The following NALF1 variants were observed in gnomAD, a reference collection of about 807,000 sequenced individuals.
The protein encoded by NALF1 is family with sequence similarity 155 member A.
NALF1 carries 3 observed loss-of-function variants against 48.4 expected under a neutral mutation model. The ratio of observed to expected loss-of-function variants is 0.06; its 90% CI spans 0.03 to 0.16. NALF1 has a LOEUF of 0.16. NALF1 is among the 10% of genes least tolerant of loss of function. The pLI, the probability that NALF1 is intolerant of heterozygous loss-of-function variation, is 1.00. For missense variants in NALF1, 526 were observed against 571.5 expected (o/e 0.92, Z 0.81); for synonymous variants, 262 against 245.7 (o/e 1.07, Z -0.62).
chr13:107,698,969 T>C (rs934863449), intron 1 of NALF1, among the ~76,000 whole-genome samples: 5 of 152,080 alleles, frequency 3.3e-5, no homozygotes, highest in African/African-American at 7.2e-5. Flanking sequence ...TGAAGTGCAA[T>C]TGCCTTAACC....
chr13:107,457,695 A>G (rs1375738480), intron 1 of NALF1, among the ~76,000 whole-genome samples: 1 of 152,228 alleles, frequency 6.6e-6, no homozygotes, highest in Non-Finnish European at 1.5e-5. Flanking sequence ...AAACACATGG[A>G]AATTAAAATC....
At chr13:107,257,605 G>T (rs534092036) in intron 1 of NALF1, among the ~76,000 whole-genome samples, 1 of 151,998 alleles carries the variant, frequency 6.6e-6, no homozygotes, top group East Asian at 1.9e-4. Context: ...TTGATCTTGA[G>T]AAACTGTGGT....
intron 1 of NALF1, among the ~76,000 whole-genome samples, chr13:107,705,177 T>G (rs1437108546): frequency 6.6e-6 from 1 of 152,176 alleles, no homozygotes; most frequent in Non-Finnish European, 1.5e-5. Flanking sequence ...CAAGACACTG[T>G]AAATTGGTGG....
intron 1 of NALF1, among the ~76,000 whole-genome samples, chr13:107,497,428 G>A (rs580027): frequency 0.52 from 78,620 of 151,864 alleles, 20,985 homozygotes; most frequent in African/African-American, 0.62. Flanking sequence ...GATTCATTAT[G>A]TAATATTGCT....
chr13:107,852,580 A>T (rs1274725274), intron 1 of NALF1, among the ~76,000 whole-genome samples: 2 of 152,180 alleles, frequency 1.3e-5, no homozygotes, highest in African/African-American at 4.8e-5. Flanking sequence ...AGTCACTGTG[A>T]TCATTTCGAG....
chr13:107,237,475 A>T (rs1368282997), intron 1 of NALF1, among the ~76,000 whole-genome samples: 1 of 152,142 alleles, frequency 6.6e-6, no homozygotes, highest in Non-Finnish European at 1.5e-5. Context: ...GGAAACCCAG[A>T]TCCACAGATG....
intron 1 of NALF1, among the ~76,000 whole-genome samples, chr13:107,315,447 GA>G (rs1882127773): frequency 6.6e-6 from 1 of 152,012 alleles, no homozygotes; most frequent in South Asian, 2.1e-4. Context: ...TTCTCTTACT[GA>G]CTTGGAAAGT....
At chr13:107,584,009 A>G (rs1878384081) in intron 1 of NALF1, among the ~76,000 whole-genome samples, 1 of 152,148 alleles carries the variant, frequency 6.6e-6, no homozygotes, top group South Asian at 2.1e-4. Context: ...GCAATGAGGC[A>G]TAATTGCCAT....
intron 1 of NALF1, among the ~76,000 whole-genome samples, chr13:107,342,283 T>G (rs1882695508): frequency 1.3e-5 from 2 of 152,168 alleles, no homozygotes; most frequent in African/African-American, 4.8e-5. Context: ...AAAAAAGTAA[T>G]TCTACACAGT....
At chr13:107,224,724 T>TA (rs1880066691) in intron 1 of NALF1, among the ~76,000 whole-genome samples, 1 of 152,086 alleles carries the variant, frequency 6.6e-6, no homozygotes, top group African/African-American at 2.4e-5. Context: ...ATAACAATGA[T>TA]AAAGATTTAT....
At chr13:107,411,990 A>G (rs541519509) in intron 1 of NALF1, among the ~76,000 whole-genome samples, 25 of 152,244 alleles carry the variant, frequency 1.6e-4, no homozygotes, top group African/African-American at 5.8e-4. Context: ...CTCTTTTTCT[A>G]TATTAGATGA....
At position 107,763,331 on chromosome 13, in the gene NALF1, A is replaced by G. The variant is rs79186124; in HGVS notation, c.915+102351T>C. ...AGTAAATTAAATATCACTAGATGCT[A>G]TTCTCCATATAATGTCCACTTACAG... On this transcript the variant is annotated intron_variant, in intron 1 of 2. Transcript: ENST00000375915. 4.4e-3 allele frequency among the ~76,000 whole-genome samples: 669 copies of G among 152,206 alleles called. 12 individuals carry two copies. Among genetic ancestry groups the G allele is most frequent in the African/African-American group, 0.015 (631 of 41,532 alleles).
intron 1 of NALF1, among the ~76,000 whole-genome samples, chr13:107,403,686 C>T (rs192024259): frequency 6.6e-6 from 1 of 150,792 alleles, no homozygotes; most frequent in Non-Finnish European, 1.5e-5. Context: ...CAAGTTCTTC[C>T]ACAAGGAAAT....
At chr13:107,329,518 T>C (rs895425895) in intron 1 of NALF1, among the ~76,000 whole-genome samples, 1 of 152,052 alleles carries the variant, frequency 6.6e-6, no homozygotes, top group South Asian at 2.1e-4. Flanking sequence ...ATTATTATTA[T>C]ACTTTAAGTT....
At chr13:107,551,115 T>G (rs1370588128) in intron 1 of NALF1, among the ~76,000 whole-genome samples, 1 of 152,120 alleles carries the variant, frequency 6.6e-6, no homozygotes, top group Non-Finnish European at 1.5e-5. Flanking sequence ...CTTCTCTCTC[T>G]CTGGTCGTAC....
At chr13:107,524,106 T>C (rs1301604323) in intron 1 of NALF1, among the ~76,000 whole-genome samples, 1 of 152,136 alleles carries the variant, frequency 6.6e-6, no homozygotes, top group Admixed American at 6.6e-5. Flanking sequence ...ACAGTGCTAT[T>C]ATGGGGTCAA....
At chr13:107,539,795 T>C (rs1594118437) in intron 1 of NALF1, among the ~76,000 whole-genome samples, 1 of 152,150 alleles carries the variant, frequency 6.6e-6, no homozygotes. Context: ...TATGACTTTG[T>C]GTCTAAATCA....
intron 1 of NALF1, among the ~76,000 whole-genome samples, chr13:107,802,407 C>G (rs537624896): frequency 1.4e-4 from 21 of 152,214 alleles, no homozygotes; most frequent in Admixed American, 1.3e-3. Flanking sequence ...GTTAAACATA[C>G]CACTAAAAAT....
intron 1 of NALF1, among the ~76,000 whole-genome samples, chr13:107,225,364 A>T (rs1014006802): frequency 1.3e-5 from 2 of 151,986 alleles, no homozygotes; most frequent in Non-Finnish European, 2.9e-5. Context: ...CTGTAGCCTC[A>T]GCCTCCCTGG....
Sources: allele counts gnomAD v4.1 joint callset (sites outside exome capture counted in the v4.1 genomes callset), GRCh38; gene constraint gnomAD v4.1.1; transcripts MANE v1.5; gene names NCBI Gene and HGNC (gene_info 2026-07-23, HGNC 2026-07-21).